Variants in CUX1 observed in about 807,000 individuals in gnomAD.
CUX1 encodes the protein cut like homeobox 1, also known as protein CASP.
In CUX1, 31 loss-of-function variants were observed where a neutral mutation model predicts 158.8. The observed-to-expected ratio is 0.20, with a 90% CI of 0.15 to 0.26. The LOEUF (loss-of-function observed/expected upper bound fraction) is 0.26. Among genes scored for constraint, CUX1 ranks in the 10% least tolerant of loss-of-function variants. The pLI is 1.00. For missense variants in CUX1, 1,589 were observed against 2,014.6 expected (o/e 0.79, Z 4.04); for synonymous variants, 879 against 862.1 (o/e 1.02, Z -0.34).
At chr7:102,111,635 G>T (rs1563258159) in intron 6 of CUX1, 63 bp from the exon 7 acceptor site, 2 of 1,477,762 alleles carry the variant, frequency 1.4e-6, no homozygotes, top group Non-Finnish European at 1.9e-6. Context: ...CAGCCGAAAG[G>T]CACACGTGCA....
intron 2 of CUX1, among the ~76,000 whole-genome samples, chr7:101,930,891 G>A (rs2129116929): frequency 6.6e-6 from 1 of 152,350 alleles, no homozygotes; most frequent in South Asian, 2.1e-4. Context: ...GAGGCTGGGA[G>A]TTCGAGACCA....
At chr7:101,935,307 C>T (rs2041007) in intron 2 of CUX1, among the ~76,000 whole-genome samples, 1 of 152,076 alleles carries the variant, frequency 6.6e-6, no homozygotes, top group Non-Finnish European at 1.5e-5. Flanking sequence ...TCCTATAAAA[C>T]GGCCCCACCC....
intron 2 of CUX1, among the ~76,000 whole-genome samples, chr7:101,935,694 T>C (rs1371490723): frequency 6.6e-6 from 1 of 152,114 alleles, no homozygotes; most frequent in Non-Finnish European, 1.5e-5. Flanking sequence ...CCGGACCTGG[T>C]GTGGCAATGG....
Position 101,916,295 on chromosome 7 carries a change from C to CA in CUX1, c.141+70_141+71insA. 2.0e-6 allele frequency: 2 copies of CA among 985,690 alleles called. No individual in the cohort carries two copies. The highest frequency in any genetic ancestry group is 3.3e-6 in the Non-Finnish European group (2 of 613,932). 61.1% of individuals were successfully genotyped at this position (985,690 alleles called of 1,614,324 possible). ...TGCTGGTGCATGTTCAGGCGACGCT[C>CA]CGTGAGCGTTTCATTTTCATCAGAT... is the stretch of plus-strand genomic sequence containing the variant. On this transcript the variant is annotated intron_variant, in intron 2 of 23. Coordinates refer to ENST00000292535, the MANE Select transcript of CUX1 (RefSeq NM_181552.4). This position sits in a 1 kb window ranked among gnomAD's most constrained non-coding sequence, Gnocchi z 4.4.
chr7:101,921,773 T>A (rs1012556465), intron 2 of CUX1, among the ~76,000 whole-genome samples: 3 of 150,024 alleles, frequency 2.0e-5, no homozygotes, highest in Admixed American at 6.7e-5. Context: ...CGGGCAACTT[T>A]AAAAAAAAAA....
chr7:102,243,229 A>G (rs1314515182), intron 23 of CUX1, among the ~76,000 whole-genome samples: 2 of 152,142 alleles, frequency 1.3e-5, no homozygotes, highest in African/African-American at 4.8e-5. Flanking sequence ...AGCCATGATC[A>G]TACCACTGCA....
intron 1 of CUX1, among the ~76,000 whole-genome samples, chr7:101,892,480 A>C (rs1037406315): frequency 2.6e-5 from 4 of 152,202 alleles, no homozygotes; most frequent in Non-Finnish European, 5.9e-5. Flanking sequence ...AGAAATTGCC[A>C]CTTCAACAAG....
At chr7:101,931,716 A>T (rs1363901262) in intron 2 of CUX1, among the ~76,000 whole-genome samples, 1 of 152,076 alleles carries the variant, frequency 6.6e-6, no homozygotes. Flanking sequence ...GGCATGCACC[A>T]TGGTGTCTGA....
Position 102,256,431 on chromosome 7 carries a change from C to G in CUX1, c.*7389C>G. 1 of 985,374 alleles carries G rather than the reference C, an allele frequency of 1.0e-6. No individual in the cohort carries two copies. Among genetic ancestry groups the G allele is most frequent in the South Asian group, 4.7e-5 (1 of 21,288 alleles). 61.0% of individuals were successfully genotyped at this position (985,374 alleles called of 1,614,324 possible). On this transcript the variant is annotated 3_prime_UTR_variant, in exon 24 of 24. Coordinates refer to ENST00000292535, the MANE Select transcript of CUX1 (RefSeq NM_181552.4). The stretch of plus-strand genomic sequence containing the variant: ...GTCATAAATGCTTTTTGCTGTCACT[C>G]TAGTGGTTACTATCCTCTGCCTTCC...
At chr7:101,952,673 C>G (rs1809226037) in intron 2 of CUX1, among the ~76,000 whole-genome samples, 1 of 152,226 alleles carries the variant, frequency 6.6e-6, no homozygotes, top group Non-Finnish European at 1.5e-5. Context: ...CCCACCCACG[C>G]ATTTGCACAA....
chr7:102,271,801 G>A (rs577247489), intron 14 of CUX1, among the ~76,000 whole-genome samples: 8 of 152,290 alleles, frequency 5.3e-5, no homozygotes, highest in Non-Finnish European at 1.0e-4. Flanking sequence ...AGGTTGAGGC[G>A]GACAGATCAC....
intron 9 of CUX1, among the ~76,000 whole-genome samples, chr7:102,158,931 AGT>A (rs1358473513): frequency 6.6e-6 from 1 of 152,236 alleles, no homozygotes; most frequent in Non-Finnish European, 1.5e-5. Context: ...CATCCATGAC[AGT>A]GTAGACATCT....
intron 1 of CUX1, among the ~76,000 whole-genome samples, chr7:101,829,867 A>T (rs1793782493): frequency 6.6e-6 from 1 of 152,096 alleles, no homozygotes. Context: ...TCAGGCTGTA[A>T]GGAGCCCCCC....
At chr7:102,227,768 C>T in intron 21 of CUX1, 99 bp downstream of exon 21, 1 of 1,246,360 alleles carries the variant, frequency 8.0e-7, no homozygotes, top group Non-Finnish European at 1.1e-6. Flanking sequence ...CACAGAGTCT[C>T]AACTTGTGTA....
At chr7:102,104,580 AG>A (rs1830139887) in intron 6 of CUX1, 121 bp downstream of exon 6, 1 of 1,315,090 alleles carries the variant, frequency 7.6e-7, no homozygotes, top group Non-Finnish European at 1.0e-6. Context: ...CAAATCTATA[AG>A]GGGTAAAATG....
intron 2 of CUX1, among the ~76,000 whole-genome samples, chr7:101,994,506 C>G (rs1239562565): frequency 1.3e-5 from 2 of 152,188 alleles, no homozygotes; most frequent in Non-Finnish European, 2.9e-5. Context: ...GAGGCTGAGG[C>G]AGGAGAATCG....
In CUX1 at chr7:102,249,964, T is replaced by C; in HGVS notation, c.*922T>C. The C allele has an allele frequency of 1.0e-6, 1 of 985,596 alleles. No individual in the cohort carries two copies. Among genetic ancestry groups the C allele is most frequent in the Non-Finnish European group, 1.2e-6 (1 of 829,890 alleles). The allele number at this position is 985,596 out of a possible 1,614,324, so 61.1% of individuals were successfully genotyped here. ...ATAGAATCCTGACATGTAGTGCACATTGATGTATAGCTTTAACTGACCCTG... is the reference window on the plus strand; with the variant it reads ...ATAGAATCCTGACATGTAGTGCACACTGATGTATAGCTTTAACTGACCCTG... On this transcript the variant is annotated 3_prime_UTR_variant, in exon 24 of 24. Transcript: ENST00000292535.
chr7:101,938,900 G>A (rs1807277930), intron 2 of CUX1, among the ~76,000 whole-genome samples: 1 of 151,620 alleles, frequency 6.6e-6, no homozygotes, highest in African/African-American at 2.4e-5. Flanking sequence ...AATTAGCTGG[G>A]CATGGTGGTG....
chr7:102,140,820 A>T (rs1399748514), intron 8 of CUX1, among the ~76,000 whole-genome samples: 1 of 151,496 alleles, frequency 6.6e-6, no homozygotes, highest in African/African-American at 2.4e-5. Flanking sequence ...AGCCAAGATC[A>T]TGCCACTGTA....
Sources: allele counts gnomAD v4.1 joint callset (sites outside exome capture counted in the v4.1 genomes callset), GRCh38; gene constraint gnomAD v4.1.1; non-coding constraint Gnocchi (gnomAD v3.1); transcripts MANE v1.5; gene names NCBI Gene and HGNC (gene_info 2026-07-23, HGNC 2026-07-21).